The following PPP1R9A variants were observed in gnomAD, a reference collection of about 807,000 sequenced individuals.
PPP1R9A encodes the protein neurabin-1.
Under a neutral mutation model 141.9 loss-of-function variants are expected in PPP1R9A, and 59 were observed. The observed-to-expected ratio is 0.42, with a 90% confidence interval of 0.34 to 0.52. PPP1R9A has a LOEUF of 0.52. PPP1R9A is among the 20% of genes least tolerant of loss of function. PPP1R9A has a pLI of 0.10. For missense variants in PPP1R9A, 1,444 were observed against 1,611.9 expected, an observed-to-expected ratio of 0.90 and a Z score of 1.78; for synonymous variants, 500 against 569.7, an observed-to-expected ratio of 0.88 and a Z score of 1.74.
At chr7:95,235,614 G>T (rs1343277302) in intron 8 of PPP1R9A, among the ~76,000 whole-genome samples, 31 of 152,166 alleles carry the variant, frequency 2.0e-4, no homozygotes, top group Admixed American at 2.0e-3. Flanking sequence ...ACAGTGTGGA[G>T]ATTCCTTAAA....
At chr7:94,990,337 C>T (rs572081850) in intron 2 of PPP1R9A, among the ~76,000 whole-genome samples, 12 of 152,230 alleles carry the variant, frequency 7.9e-5, no homozygotes, top group African/African-American at 2.9e-4. Flanking sequence ...GTCTTAAGCA[C>T]TAACATTATG....
chr7:95,084,265 A>C (rs1446566756), intron 2 of PPP1R9A, among the ~76,000 whole-genome samples: 1 of 152,050 alleles, frequency 6.6e-6, no homozygotes, highest in African/African-American at 2.4e-5. Flanking sequence ...CTATTTACAT[A>C]AGGATGATAT....
chr7:94,992,651 A>G (rs1801662096), intron 2 of PPP1R9A, among the ~76,000 whole-genome samples: 1 of 152,152 alleles, frequency 6.6e-6, no homozygotes. Flanking sequence ...AGTCTTTTTA[A>G]ATTTTAGCCA....
At chr7:95,064,445 A>G (rs1174482469) in intron 2 of PPP1R9A, among the ~76,000 whole-genome samples, 1 of 152,218 alleles carries the variant, frequency 6.6e-6, no homozygotes, top group South Asian at 2.1e-4. Context: ...GGCACTGTGC[A>G]TAGGAGATAT....
chr7:95,053,292 C>T (rs1811061213), intron 2 of PPP1R9A, among the ~76,000 whole-genome samples: 1 of 152,134 alleles, frequency 6.6e-6, no homozygotes, highest in Non-Finnish European at 1.5e-5. Context: ...TGGCTTTCAT[C>T]AGTAAGGTGT....
Position 95,288,646 on chromosome 7 carries a change from G to A in PPP1R9A, c.3840G>A (p.Gln1280=), listed in dbSNP as rs753056791. The A allele has an allele frequency of 1.2e-6, 2 of 1,614,108 alleles. No homozygotes were observed. Among genetic ancestry groups the A allele is most frequent in the Admixed American group, 1.7e-5 (1 of 59,988 alleles). Residue 1280 remains glutamine (Q), a synonymous_variant, in exon 19 of 20, where the codon CAG becomes CAA. Transcript: ENST00000433360. ...GGTTAATGAGCCTAAATCTGGAGCA[G>A]TATGTATCTGAATTCAGTGCCCAAA... ...SHWLMSLNLE[Q]YVSEFSAQNI...
At chr7:95,132,942 C>G (rs1483186590) in intron 4 of PPP1R9A, among the ~76,000 whole-genome samples, 1 of 152,178 alleles carries the variant, frequency 6.6e-6, no homozygotes. Flanking sequence ...AATGTTATAC[C>G]TTCTTCGTGT....
chr7:95,236,446 A>G (rs1796689703), intron 8 of PPP1R9A, among the ~76,000 whole-genome samples: 1 of 151,912 alleles, frequency 6.6e-6, no homozygotes, highest in African/African-American at 2.4e-5. Flanking sequence ...TTTCAATTTC[A>G]GGGGGACGAT....
At chr7:95,266,119 A>G (rs1246246667) in intron 12 of PPP1R9A, among the ~76,000 whole-genome samples, 1 of 152,144 alleles carries the variant, frequency 6.6e-6, no homozygotes, top group Non-Finnish European at 1.5e-5. Context: ...CCATTGATGG[A>G]GTACCTATTG....
At chr7:95,278,615 C>T (rs1419607774) in intron 16 of PPP1R9A, among the ~76,000 whole-genome samples, 1 of 152,018 alleles carries the variant, frequency 6.6e-6, no homozygotes, top group African/African-American at 2.4e-5. Flanking sequence ...TTCTACTCCT[C>T]GTTATTCCAA....
intron 2 of PPP1R9A, among the ~76,000 whole-genome samples, chr7:94,969,317 A>G (rs1447485499): frequency 6.6e-6 from 1 of 151,540 alleles, no homozygotes; most frequent in African/African-American, 2.4e-5. Flanking sequence ...TGACCTTTGG[A>G]TGGGGTTTCT....
chr7:95,249,972 T>C, intron 9 of PPP1R9A, 54 bp from the exon 10 acceptor site: 1 of 1,488,854 alleles, frequency 6.7e-7, no homozygotes, highest in Non-Finnish European at 8.9e-7. Flanking sequence ...AAATGAGAGA[T>C]TTTTGCCACA....
chr7:95,290,606 A>G lies in PPP1R9A; in HGVS notation c.*303A>G. On this transcript the variant is annotated 3_prime_UTR_variant, in exon 20 of 20. Coordinates refer to ENST00000433360, the MANE Select transcript of PPP1R9A (RefSeq NM_001166160.2). The stretch of plus-strand genomic sequence containing the variant: ...TGTGTTGTGTTGGGTGTGTTTTGTC[A>G]CTTGGAGAACTAGTGTGACCCCACC... The G allele has an allele frequency of 3.1e-6, 1 of 318,338 alleles. No individual in the cohort carries two copies. Among genetic ancestry groups the G allele is most frequent in the Non-Finnish European group, 6.0e-6 (1 of 167,676 alleles). The allele number at this position is 318,338 out of a possible 1,614,324, so 19.7% of individuals were successfully genotyped here. A position where few individuals can be genotyped will look rare whatever the true frequency, so the allele number is the denominator to read the frequency against.
intron 2 of PPP1R9A, among the ~76,000 whole-genome samples, chr7:94,955,378 T>G (rs962267462): frequency 2.0e-5 from 3 of 152,182 alleles, no homozygotes; most frequent in African/African-American, 7.2e-5. Context: ...TCCATACTCC[T>G]ATACTGTTCT....
intron 2 of PPP1R9A, among the ~76,000 whole-genome samples, chr7:94,964,797 G>A (rs1257896816): frequency 6.6e-5 from 10 of 152,146 alleles, no homozygotes; most frequent in Admixed American, 4.6e-4. Flanking sequence ...ATAAACATAC[G>A]TGTGCATGTG....
At chr7:95,127,658 T>G (rs1823813641) in intron 4 of PPP1R9A, among the ~76,000 whole-genome samples, 2 of 152,128 alleles carry the variant, frequency 1.3e-5, no homozygotes, top group Admixed American at 1.3e-4. Context: ...TTTCAACCCT[T>G]GTCTCCCTCT....
chr7:95,013,135 G>A (rs1194565331), intron 2 of PPP1R9A, among the ~76,000 whole-genome samples: 3 of 152,058 alleles, frequency 2.0e-5, no homozygotes, highest in Admixed American at 6.6e-5. Flanking sequence ...CACTACCCAT[G>A]CCACTTGACC....
chr7:94,953,534 G>A (rs528657741), intron 2 of PPP1R9A, among the ~76,000 whole-genome samples: 4 of 152,134 alleles, frequency 2.6e-5, no homozygotes, highest in Admixed American at 1.3e-4. Context: ...CATTGAATCT[G>A]TAAATTACTT....
intron 2 of PPP1R9A, among the ~76,000 whole-genome samples, chr7:94,930,440 C>T (rs541377556): frequency 3.3e-5 from 5 of 152,208 alleles, no homozygotes; most frequent in South Asian, 2.1e-4. Context: ...CAGGTTCAAG[C>T]GATTCTCCTG....
Sources: allele counts gnomAD v4.1 joint callset (sites outside exome capture counted in the v4.1 genomes callset), GRCh38; gene constraint gnomAD v4.1.1; transcripts MANE v1.5; gene names NCBI Gene and HGNC (gene_info 2026-07-23, HGNC 2026-07-21).